Variants in NPHP1 observed in about 807,000 individuals in gnomAD.
NPHP1 encodes the protein nephrocystin 1.
In NPHP1, 70 loss-of-function variants were observed where a neutral mutation model predicts 90.4. The observed-to-expected ratio is 0.77, with a 90% confidence interval of 0.64 to 0.95. The LOEUF is 0.95. Ranked by LOEUF, NPHP1 falls within the 40% of genes least tolerant of loss-of-function variation. The probability of loss-of-function intolerance (pLI) is 0.00; values close to 1 mark genes in which losing one functional copy is unlikely to be tolerated. For synonymous variants in NPHP1, 256 were observed against 271.7 expected (o/e 0.94, Z 0.57); for missense variants, 764 against 795.9 (o/e 0.96, Z 0.48).
intron 17 of NPHP1, 35 bp downstream of exon 17, chr2:110,131,644 T>C: frequency 8.3e-7 from 1 of 1,197,612 alleles, no homozygotes; most frequent in Non-Finnish European, 1.2e-6. Context: ...GTATGAAGCA[T>C]TACTGCACAT....
intron 14 of NPHP1, 22 bp from the exon 15 acceptor site, chr2:110,144,591 T>C (rs1680881676): frequency 7.1e-7 from 1 of 1,417,234 alleles, no homozygotes; most frequent in Non-Finnish European, 1.0e-6. Flanking sequence ...TAACATACAA[T>C]GACAGATATA....
intron 16 of NPHP1, among the ~76,000 whole-genome samples, chr2:110,141,448 G>A (rs1680621047): frequency 6.6e-6 from 1 of 152,014 alleles, no homozygotes; most frequent in Non-Finnish European, 1.5e-5. Flanking sequence ...GATGTTAAAT[G>A]ACTAGTCTAG....
At chr2:110,153,897 T>G (rs926097710) in intron 11 of NPHP1, among the ~76,000 whole-genome samples, 2 of 151,294 alleles carry the variant, frequency 1.3e-5, no homozygotes, top group African/African-American at 4.9e-5. Flanking sequence ...GCAGGAGAAG[T>G]GCTTAAACAC....
At chr2:110,190,167 T>C (rs1178950705) in intron 2 of NPHP1, among the ~76,000 whole-genome samples, 1 of 152,170 alleles carries the variant, frequency 6.6e-6, no homozygotes. Context: ...CCAGCTGGCT[T>C]CACCCAGCAG....
At chr2:110,199,398 T>A (rs1685411219) in intron 2 of NPHP1, among the ~76,000 whole-genome samples, 1 of 147,308 alleles carries the variant, frequency 6.8e-6, no homozygotes. Context: ...CATGACAGAG[T>A]GAGACTCCAT....
chr2:110,125,478 C>T (rs540942418), intron 19 of NPHP1, 159 bp downstream of exon 19: 21 of 1,120,964 alleles, frequency 1.9e-5, no homozygotes, highest in Non-Finnish European at 2.3e-5. Context: ...ATGCGTAACC[C>T]TCTTGGAATG....
rs762119782 is a variant in NPHP1 at position 110,179,694 on chromosome 2, G to GA, written c.144-11dup. ...CTTTAACTGGATACATCTAAATTAA[G>GA]AAAAAAAAGAAAATATATTGATTTT... On this transcript the variant is annotated splice_polypyrimidine_tract_variant and intron_variant, in intron 2 of 19. Coordinates refer to ENST00000445609, the MANE Select transcript of NPHP1 (RefSeq NM_001128178.3). 85 of 1,102,542 alleles carry GA rather than the reference G, an allele frequency of 7.7e-5. No individual in the cohort carries two copies. The highest frequency in any genetic ancestry group is 1.1e-4 in the South Asian group (8 of 75,932). The allele number at this position is 1,102,542 out of a possible 1,614,324, so 68.3% of individuals were successfully genotyped here. A position where few individuals can be genotyped will look rare whatever the true frequency, so the allele number is the denominator to read the frequency against.
rs1243497649 is a variant in NPHP1 at position 110,125,328 on chromosome 2, A to G, written c.1761+309T>C. ...TGGTGATACAGGCTTTGAGAGCTAG[A>G]GAAGTTTTTTAAAAATAAAAGAAAT... On this transcript the variant is annotated intron_variant, in intron 19 of 19. Transcript: ENST00000445609. 3.3e-6 allele frequency: 5 copies of G among 1,521,888 alleles called. No homozygotes were observed. The East Asian group carries it at 1.2e-4, about 37-fold the overall frequency. The allele number at this position is 1,521,888 out of a possible 1,614,324, so 94.3% of individuals were successfully genotyped here.
chr2:110,181,518 G>C (rs552560059), intron 2 of NPHP1, among the ~76,000 whole-genome samples: 1 of 152,140 alleles, frequency 6.6e-6, no homozygotes, highest in South Asian at 2.1e-4. Context: ...TAGGGTCTGG[G>C]GTACAGCAAA....
intron 6 of NPHP1, among the ~76,000 whole-genome samples, chr2:110,165,765 G>C (rs1181271011): frequency 6.6e-6 from 1 of 151,672 alleles, no homozygotes; most frequent in Non-Finnish European, 1.5e-5. Context: ...ATCAATGAAA[G>C]AGTTTTTTAA....
intron 16 of NPHP1, among the ~76,000 whole-genome samples, chr2:110,135,813 TA>T (rs1215392397): frequency 2.0e-5 from 3 of 152,176 alleles, no homozygotes; most frequent in Non-Finnish European, 2.9e-5. Context: ...TCTTAATTCC[TA>T]AGATTAGATT....
intron 6 of NPHP1, 87 bp from the exon 7 acceptor site, chr2:110,165,242 G>T: frequency 2.0e-6 from 2 of 1,006,978 alleles, no homozygotes; most frequent in Non-Finnish European, 3.1e-6. Context: ...TAACCCTCCA[G>T]TAAAAACAAA....
rs755025861 is a variant in NPHP1 at position 110,144,596 on chromosome 2, G to T, written c.1353-27C>A. ...TATAAAAGAATAACATACAATGACAGATATAAGCTGTGGGCATGTAGAAAA... is the reference window on the plus strand; with the variant it reads ...TATAAAAGAATAACATACAATGACATATATAAGCTGTGGGCATGTAGAAAA... On this transcript the variant is annotated intron_variant, in intron 14 of 19. Transcript: ENST00000445609. 10 of 1,377,652 alleles carry T rather than the reference G, an allele frequency of 7.3e-6. No individual in the cohort carries two copies. The South Asian group carries it at 1.0e-4, about 14-fold the overall frequency. 85.3% of individuals were successfully genotyped at this position (1,377,652 alleles called of 1,614,324 possible).
Position 110,160,228 on chromosome 2 carries a change from A to G in NPHP1, c.982T>C (p.Leu328=). The change falls in exon 11 of 20, where the codon TTG becomes CTG. Residue 328 remains leucine, a synonymous_variant. Transcript: ENST00000445609. ...TTACAGCTCCATAATGTCAGAATCA[A>G]TGAAATACGACTTGGTCTCGACCTA... The part of the protein sequence containing the change: ...TIRSRPSRIS[L]ILTLWSCKMI... 1.2e-6 allele frequency: 2 copies of G among 1,611,804 alleles called. No homozygotes were observed. The highest frequency in any genetic ancestry group is 1.7e-6 in the Non-Finnish European group (2 of 1,177,950).
At chr2:110,146,871 T>C (rs1681093301) in intron 13 of NPHP1, 36 bp from the exon 14 acceptor site, 19 of 1,453,684 alleles carry the variant, frequency 1.3e-5, no homozygotes, top group Non-Finnish European at 1.8e-5. Flanking sequence ...ACTTAAGGTC[T>C]GAACTAGTCA....
rs1328879943 is a variant in NPHP1, at chr2:110,163,063, G to T, written c.844C>A (p.Gln282Lys). The stretch of plus-strand genomic sequence containing the variant: ...CACGCATTACCTTCCTCCAGAAGCT[G>T]TGAGAGCGTGGAAGGCCTGAACCCT... ...PAGFRPSTLSQLLEEGNQFRA... is the reference protein window; with the variant it reads ...PAGFRPSTLSKLLEEGNQFRA... Residue 282 changes from glutamine to lysine, a missense_variant, in exon 9 of 20, where the codon CAG (glutamine) becomes AAG (lysine). By Grantham distance (53) the Gln-to-Lys change is moderately conservative. Transcript: ENST00000445609. 2 of 1,612,400 alleles carry T rather than the reference G, an allele frequency of 1.2e-6. No individual in the cohort carries two copies. The highest frequency in any genetic ancestry group is 1.7e-6 in the Non-Finnish European group (2 of 1,178,554).
intron 2 of NPHP1, among the ~76,000 whole-genome samples, chr2:110,195,785 G>A (rs890588397): frequency 3.9e-5 from 6 of 152,190 alleles, no homozygotes; most frequent in East Asian, 1.9e-4. Flanking sequence ...AAAACAGCAT[G>A]GTACTGGTAC....
rs1683658263 is a variant in NPHP1, at chr2:110,178,429, A to G, written c.323T>C (p.Ile108Thr). ...AGGTAGAAAGGAAGCATACTCAGTTATATTTTCTCTGCTTATTGTCACAGC... is the reference window on the plus strand; with the variant it reads ...AGGTAGAAAGGAAGCATACTCAGTTGTATTTTCTCTGCTTATTGTCACAGC... ...GLAVTISRENITEVGAPTEEE... is the reference protein window; with the variant it reads ...GLAVTISRENTTEVGAPTEEE... Residue 108 changes from isoleucine to threonine, a missense_variant, in exon 4 of 20, where the codon ATA becomes ACA. Coordinates refer to ENST00000445609, the MANE Select transcript of NPHP1 (RefSeq NM_001128178.3). 6.2e-7 allele frequency: 1 copy of G among 1,613,842 alleles called. No homozygotes were observed. The highest frequency in any genetic ancestry group is 8.5e-7 in the Non-Finnish European group (1 of 1,179,846).
intron 9 of NPHP1, among the ~76,000 whole-genome samples, chr2:110,161,908 C>G (rs1185296046): frequency 6.6e-6 from 1 of 152,124 alleles, no homozygotes; most frequent in Non-Finnish European, 1.5e-5. Context: ...AAAAGATCAT[C>G]TTAAAGCACC....
Sources: allele counts gnomAD v4.1 joint callset (sites outside exome capture counted in the v4.1 genomes callset), GRCh38; gene constraint gnomAD v4.1.1; transcripts MANE v1.5; gene names NCBI Gene and HGNC (gene_info 2026-07-23, HGNC 2026-07-21).